The following TMEM132D variants were observed in gnomAD, a reference collection of about 807,000 sequenced individuals.
TMEM132D encodes transmembrane protein 132D, also known as mature OL transmembrane protein.
A neutral mutation model predicts 62.3 loss-of-function variants in TMEM132D; 21 were observed. The ratio of observed to expected loss-of-function variants is 0.34; its 90% CI spans 0.24 to 0.49. The LOEUF (loss-of-function observed/expected upper bound fraction) is 0.49, where lower values mean the gene tolerates loss of function less well. TMEM132D is among the 20% of genes least tolerant of loss of function. The pLI is 0.99. For synonymous variants in TMEM132D, 621 were observed against 575.6 expected (o/e 1.08, Z -1.13); for missense variants, 1,346 against 1,402.8 (o/e 0.96, Z 0.65).
In TMEM132D at chr12:129,531,088, A is replaced by T; in HGVS notation, c.1086T>A (p.Cys362Ter). 1 of 1,613,376 alleles carries T rather than the reference A, an allele frequency of 6.2e-7. No homozygotes were observed. Among genetic ancestry groups the T allele is most frequent in the Non-Finnish European group, 8.5e-7 (1 of 1,179,602 alleles). Residue 362 changes from cysteine (C) to a stop codon, truncating the protein, a stop_gained, in exon 3 of 9, where the codon TGT (cysteine) becomes TGA (stop). Transcript: ENST00000422113. LOFTEE classifies it high-confidence loss of function. ...TGKYAPAVIV[C>*]QKKAAGSENS... ...TTTCTGAGCCAGCTGCTTTCTTCTG[A>T]CAAACGATGACAGCTGGTGCATACT...
At chr12:129,238,835 T>C (rs1363171399) in intron 4 of TMEM132D, among the ~76,000 whole-genome samples, 2 of 152,198 alleles carry the variant, frequency 1.3e-5, no homozygotes, top group African/African-American at 4.8e-5. Flanking sequence ...TTCTTTGGGA[T>C]GTATACACAG....
rs1872698961 is a variant in TMEM132D, at chr12:129,827,747, C to A, written c.79+75514G>T. Among the ~76,000 whole-genome samples, 2 of 152,182 alleles carry A rather than the reference C, an allele frequency of 1.3e-5. No individual in the cohort carries two copies. The highest frequency in any genetic ancestry group is 2.9e-5 in the Non-Finnish European group (2 of 68,036). On this transcript the variant is annotated intron_variant, in intron 1 of 8. Transcript: ENST00000422113. This position sits in a 1 kb window ranked among gnomAD's most constrained non-coding sequence, Gnocchi z 9.7. ...ACTGGAAGTTAATCTTTAGCCCCCT[C>A]ACCTCAGTTAAGTGCATTCCGAGCT...
intron 5 of TMEM132D, among the ~76,000 whole-genome samples, chr12:129,141,709 C>T (rs1361174279): frequency 6.6e-6 from 1 of 151,996 alleles, no homozygotes; most frequent in Non-Finnish European, 1.5e-5. Context: ...AGGAGCTAAG[C>T]ATTGGGTACA....
chr12:129,366,608 G>A (rs988780219), intron 3 of TMEM132D, among the ~76,000 whole-genome samples: 6 of 152,242 alleles, frequency 3.9e-5, no homozygotes, highest in Non-Finnish European at 5.9e-5. Flanking sequence ...AGGAATGCAA[G>A]AATGGACTAA....
chr12:129,247,336 T>G (rs1253648004), intron 4 of TMEM132D, among the ~76,000 whole-genome samples: 1 of 152,178 alleles, frequency 6.6e-6, no homozygotes, highest in East Asian at 1.9e-4. Context: ...GGTTCCAAAA[T>G]GGTGCCATTT....
At chr12:129,604,458 G>A (rs567284294) in intron 2 of TMEM132D, among the ~76,000 whole-genome samples, 3 of 152,194 alleles carry the variant, frequency 2.0e-5, no homozygotes, top group Admixed American at 2.0e-4. Flanking sequence ...AAACATCCCG[G>A]TGCAGGTTAT....
At chr12:129,509,079 C>G (rs1208578652) in intron 3 of TMEM132D, among the ~76,000 whole-genome samples, 1 of 152,152 alleles carries the variant, frequency 6.6e-6, no homozygotes, top group Non-Finnish European at 1.5e-5. Flanking sequence ...CCACTTTGAG[C>G]AATTGAGCCA....
At chr12:129,893,861 C>G (rs1875015454) in intron 1 of TMEM132D, among the ~76,000 whole-genome samples, 2 of 152,234 alleles carry the variant, frequency 1.3e-5, no homozygotes, top group Admixed American at 6.5e-5. Context: ...AGCCCTCCTG[C>G]CATGGGGCAC....
chr12:129,230,198 A>T (rs11614370), intron 4 of TMEM132D, among the ~76,000 whole-genome samples: 3,620 of 152,206 alleles, frequency 0.024, 119 homozygotes, highest in East Asian at 0.13. Context: ...AAGGAAGAAC[A>T]TCAGCAGTCT....
chr12:129,517,775 T>C (rs1053851038), intron 3 of TMEM132D, among the ~76,000 whole-genome samples: 2 of 152,158 alleles, frequency 1.3e-5, no homozygotes, highest in Non-Finnish European at 2.9e-5. Flanking sequence ...CCAAAATTAG[T>C]TTGGAGGTAG....
At chr12:129,560,634 G>A (rs1018023780) in intron 2 of TMEM132D, among the ~76,000 whole-genome samples, 5 of 152,138 alleles carry the variant, frequency 3.3e-5, no homozygotes, top group African/African-American at 1.2e-4. Context: ...CTCTCAAAGA[G>A]CTTAACACCC....
intron 8 of TMEM132D, among the ~76,000 whole-genome samples, chr12:129,077,170 G>T (rs1251215192): frequency 6.6e-6 from 1 of 152,232 alleles, no homozygotes; most frequent in African/African-American, 2.4e-5. Flanking sequence ...AGCAAGTCCA[G>T]TGTGGCACTC....
At chr12:129,246,155 T>C (rs1880101511) in intron 4 of TMEM132D, among the ~76,000 whole-genome samples, 1 of 152,140 alleles carries the variant, frequency 6.6e-6, no homozygotes, top group Non-Finnish European at 1.5e-5. Context: ...GTGCAGACTG[T>C]AAACCGAATA....
intron 4 of TMEM132D, among the ~76,000 whole-genome samples, chr12:129,301,155 G>A (rs1483175821): frequency 6.6e-6 from 1 of 152,104 alleles, no homozygotes; most frequent in Non-Finnish European, 1.5e-5. Context: ...AGCAGAAGCT[G>A]GAAAGCAAGG....
At chr12:129,812,796 C>G (rs921216447) in intron 1 of TMEM132D, among the ~76,000 whole-genome samples, 3 of 151,700 alleles carry the variant, frequency 2.0e-5, no homozygotes, top group Admixed American at 2.0e-4. Context: ...ATGTGGCCCC[C>G]CTTAACCTCT....
intron 2 of TMEM132D, among the ~76,000 whole-genome samples, chr12:129,559,888 T>C (rs902583751): frequency 6.6e-6 from 1 of 152,184 alleles, no homozygotes. Flanking sequence ...AACATGTTCA[T>C]GGAGAAAACC....
intron 2 of TMEM132D, among the ~76,000 whole-genome samples, chr12:129,622,869 T>G (rs1879111590): frequency 6.6e-6 from 1 of 152,196 alleles, no homozygotes; most frequent in African/African-American, 2.4e-5. Context: ...CAATCAAGGA[T>G]GCTAAGATCC....
chr12:129,874,015 C>T (rs1232560130), intron 1 of TMEM132D, among the ~76,000 whole-genome samples: 1 of 152,138 alleles, frequency 6.6e-6, no homozygotes, highest in Non-Finnish European at 1.5e-5. Flanking sequence ...AACCTCAGGC[C>T]CTGCTCAGAC....
At chr12:129,222,242 T>C (rs1310944048) in intron 4 of TMEM132D, among the ~76,000 whole-genome samples, 3 of 152,188 alleles carry the variant, frequency 2.0e-5, no homozygotes, top group Admixed American at 2.0e-4. Flanking sequence ...TCAAAGCCAT[T>C]GAAACAGCCA....
Sources: allele counts gnomAD v4.1 joint callset (sites outside exome capture counted in the v4.1 genomes callset), GRCh38; gene constraint gnomAD v4.1.1; non-coding constraint Gnocchi (gnomAD v3.1); transcripts MANE v1.5; gene names NCBI Gene and HGNC (gene_info 2026-07-23, HGNC 2026-07-21).